The following XRCC5 variants were observed in gnomAD, a reference collection of about 807,000 sequenced individuals.
XRCC5 encodes the protein X-ray repair cross complementing 5, also known as DNA repair protein Ku80.
Under a neutral mutation model 95.7 loss-of-function variants are expected in XRCC5, and 12 were observed. That is an observed-to-expected ratio of 0.13 (90% CI 0.08 to 0.20). XRCC5 has a LOEUF of 0.20. XRCC5 is among the 10% of genes least tolerant of loss of function. The pLI is 1.00. For synonymous variants in XRCC5, 281 were observed against 290.3 expected, an observed-to-expected ratio of 0.97 and a Z score of 0.33; for missense variants, 595 against 873.9, an observed-to-expected ratio of 0.68 and a Z score of 4.02.
At chr2:216,172,205 C>T (rs928046670) in intron 16 of XRCC5, among the ~76,000 whole-genome samples, 1 of 152,166 alleles carries the variant, frequency 6.6e-6, no homozygotes, top group African/African-American at 2.4e-5. Flanking sequence ...CTATAGATAC[C>T]TGGATTGTCT....
In XRCC5 at chr2:216,192,765, AAG is replaced by A. The variant is rs1168062870; in HGVS notation, c.2041+31_2041+32del. 6 of 1,437,820 alleles carry A rather than the reference AAG, an allele frequency of 4.2e-6. No individual in the cohort carries two copies. The African/African-American group carries it at 5.9e-5, about 14-fold the overall frequency. 89.1% of individuals were successfully genotyped at this position (1,437,820 alleles called of 1,614,324 possible). ...GTTGTCATTTGCCTTTTTTTTTAAA[AAG>A]TATTTTTAAAATACTTATGCTATTT... On this transcript the variant is annotated intron_variant, in intron 18 of 20. Transcript: ENST00000392132.
chr2:216,179,068 C>T (rs1366204389), intron 16 of XRCC5, among the ~76,000 whole-genome samples: 2 of 152,134 alleles, frequency 1.3e-5, no homozygotes, highest in Non-Finnish European at 2.9e-5. Flanking sequence ...AAACTGAGTG[C>T]CTTAAAGCAG....
At position 216,192,752 on chromosome 2, in the gene XRCC5, CT is replaced by C. The variant is rs202075540; in HGVS notation, c.2041+26del. 2.3e-4 allele frequency: 338 copies of C among 1,502,138 alleles called. No homozygotes were observed. Among genetic ancestry groups the C allele is most frequent in the Admixed American group, 5.9e-4 (27 of 45,646 alleles). 93.1% of individuals were successfully genotyped at this position (1,502,138 alleles called of 1,614,324 possible). ...TTGTCCAGGGTAAGTTGTCATTTGC[CT>C]TTTTTTTTAAAAAGTATTTTTAAAA... On this transcript the variant is annotated intron_variant, in intron 18 of 20. Coordinates refer to ENST00000392132, the MANE Select transcript of XRCC5 (RefSeq NM_021141.4).
chr2:216,169,456 T>C (rs1289318811), intron 16 of XRCC5, among the ~76,000 whole-genome samples: 1 of 152,202 alleles, frequency 6.6e-6, no homozygotes, highest in South Asian at 2.1e-4. Flanking sequence ...ATCAAAGCTG[T>C]AGTTATGGCT....
rs936662120 is a variant in XRCC5 at position 216,160,267 on chromosome 2, A to T, written c.1764+106A>T. 22 of 671,978 alleles carry T rather than the reference A, an allele frequency of 3.3e-5. No individual in the cohort carries two copies. In the Admixed American group the frequency reaches 3.8e-4, roughly 12 times the overall value. 41.6% of individuals were successfully genotyped at this position (671,978 alleles called of 1,614,324 possible). A position where few individuals can be genotyped will look rare whatever the true frequency, so the allele number is the denominator to read the frequency against. Reference sequence around the variant, plus strand: ...CCGTTCTTACCACTTTCAAGTTAAGATCATGATCACTTTCTCTGGTCCTTG... The same window carrying T: ...CCGTTCTTACCACTTTCAAGTTAAGTTCATGATCACTTTCTCTGGTCCTTG... On this transcript the variant is annotated intron_variant, in intron 15 of 20. Transcript: ENST00000392132.
chr2:216,172,197 A>G (rs1035394285), intron 16 of XRCC5, among the ~76,000 whole-genome samples: 1 of 152,220 alleles, frequency 6.6e-6, no homozygotes. Flanking sequence ...GGAACATTCT[A>G]TAGATACCTG....
At chr2:216,137,637 A>C (rs1471162651) in intron 11 of XRCC5, among the ~76,000 whole-genome samples, 1 of 152,232 alleles carries the variant, frequency 6.6e-6, no homozygotes, top group Non-Finnish European at 1.5e-5. Context: ...GAGAACTATG[A>C]ATAAAGGCTG....
At chr2:216,141,446 A>G (rs994713443) in intron 13 of XRCC5, 127 bp downstream of exon 13, 7 of 846,626 alleles carry the variant, frequency 8.3e-6, no homozygotes, top group South Asian at 2.3e-5. Flanking sequence ...GCTCTATTTA[A>G]TGGAAGAATA....
rs1696623964 is a variant in XRCC5, at chr2:216,113,205, C to T, written c.135+76C>T. On this transcript the variant is annotated intron_variant, in intron 2 of 20. Coordinates refer to ENST00000392132, the MANE Select transcript of XRCC5 (RefSeq NM_021141.4). ...TGCCTCTACCTACTAATGCAAGATA[C>T]CAGCCTCCTTATAGTGTCCAGCCCC... 9 of 1,259,762 alleles carry T rather than the reference C, an allele frequency of 7.1e-6. No individual in the cohort carries two copies. The Admixed American group carries it at 8.9e-5, about 12-fold the overall frequency. 78.0% of individuals were successfully genotyped at this position (1,259,762 alleles called of 1,614,324 possible).
chr2:216,109,915 C>T (rs1289223452), intron 1 of XRCC5, among the ~76,000 whole-genome samples: 1 of 152,196 alleles, frequency 6.6e-6, no homozygotes, highest in Non-Finnish European at 1.5e-5. Flanking sequence ...CTATCTGTGA[C>T]TAAAATAACT....
intron 19 of XRCC5, 36 bp downstream of exon 19, chr2:216,195,022 A>G: frequency 6.3e-7 from 1 of 1,594,968 alleles, no homozygotes. Flanking sequence ...TAGTTGAATT[A>G]TTATAGTGGA....
chr2:216,158,443 ATGT>A (rs911963535), intron 14 of XRCC5, among the ~76,000 whole-genome samples: 8 of 152,330 alleles, frequency 5.3e-5, no homozygotes, highest in South Asian at 2.1e-4. Flanking sequence ...CAGTAGTTTA[ATGT>A]TGTTGGCTTG....
At chr2:216,140,336 A>G (rs1697151981) in intron 12 of XRCC5, among the ~76,000 whole-genome samples, 1 of 152,232 alleles carries the variant, frequency 6.6e-6, no homozygotes, top group African/African-American at 2.4e-5. Context: ...GTGACTGTGA[A>G]TGTTCCAGAA....
intron 14 of XRCC5, among the ~76,000 whole-genome samples, chr2:216,149,020 T>A (rs1042036982): frequency 6.6e-6 from 1 of 152,220 alleles, no homozygotes; most frequent in African/African-American, 2.4e-5. Context: ...TTTCTCAAGC[T>A]GGAATAATCT....
intron 13 of XRCC5, among the ~76,000 whole-genome samples, chr2:216,143,678 C>T (rs1186901921): frequency 1.3e-5 from 2 of 150,560 alleles, no homozygotes; most frequent in African/African-American, 2.4e-5. Context: ...CAATGAACCA[C>T]GTGCGAAAGA....
At chr2:216,169,657 C>T (rs1232955927) in intron 16 of XRCC5, among the ~76,000 whole-genome samples, 2 of 151,956 alleles carry the variant, frequency 1.3e-5, no homozygotes, top group African/African-American at 4.8e-5. Flanking sequence ...GGCCTTAGGT[C>T]CTGTTTACTA....
chr2:216,141,045 C>T (rs780571795), intron 12 of XRCC5, 141 bp from the exon 13 acceptor site: 21 of 882,324 alleles, frequency 2.4e-5, no homozygotes, highest in Middle Eastern at 5.1e-4. Context: ...GGGTTAAATA[C>T]GTGCATAGCT....
intron 16 of XRCC5, among the ~76,000 whole-genome samples, chr2:216,187,497 T>C (rs896258209): frequency 5.5e-5 from 6 of 108,678 alleles, no homozygotes; most frequent in Admixed American, 5.0e-4. Flanking sequence ...TGTGTGTGTG[T>C]GTGTGTGTGT....
chr2:216,185,457 A>G (rs1336522202), intron 16 of XRCC5, among the ~76,000 whole-genome samples: 1 of 152,226 alleles, frequency 6.6e-6, no homozygotes, highest in Non-Finnish European at 1.5e-5. Context: ...GGCTTAAACA[A>G]TGATTATAAT....
Sources: gnomAD v4.1 joint callset for allele counts (sites outside exome capture counted in the v4.1 genomes callset) on GRCh38, gnomAD v4.1.1 for gene constraint, MANE v1.5 for transcripts, NCBI Gene and HGNC (gene_info 2026-07-23, HGNC 2026-07-21) for gene names.